The following PRAMEF33 variants were observed in gnomAD, a reference collection of about 807,000 sequenced individuals.
PRAMEF33 encodes the protein PRAME family member 33, also known as PRAME family member 10-like.
A neutral mutation model predicts 28.1 loss-of-function variants in PRAMEF33; 5 were observed. The ratio of observed to expected loss-of-function variants is 0.18; its 90% CI spans 0.09 to 0.37. PRAMEF33 has a LOEUF of 0.37. PRAMEF33 is among the 10% of genes least tolerant of loss of function. PRAMEF33 has a pLI of 1.00. For synonymous variants in PRAMEF33, 28 were observed against 183.2 expected (o/e 0.15, Z 6.84); for missense variants, 62 against 471.1 (o/e 0.13, Z 8.04).
At chr1:13,307,345 T>TGTCA in intron 3 of PRAMEF33, 129 bp downstream of exon 3, 2 of 663,352 alleles carry the variant, frequency 3.0e-6, no homozygotes, top group Non-Finnish European at 4.8e-6. Context: ...GACGCTAGAA[T>TGTCA]GTCAACTCAT....
At position 13,308,884 on chromosome 1, in the gene PRAMEF33, C is replaced by T. The variant is rs1639904067; in HGVS notation, c.1422C>T (p.Ser474=). 6.2e-7 allele frequency: 1 copy of T among 1,604,754 alleles called. No homozygotes were observed. The highest frequency in any genetic ancestry group is 8.5e-7 in the Non-Finnish European group (1 of 1,176,092). The change falls in exon 4 of 4, where the codon TCC becomes TCT. Residue 474 remains serine, a synonymous_variant. Coordinates refer to ENST00000437300, the MANE Select transcript of PRAMEF33 (RefSeq NM_001291381.1). ...AGAAAGTGGACTTCCATCTTTGCTCCTAGGGAAGGCCTGGTTCGTGGGATG... is the reference window on the plus strand; with the variant it reads ...AGAAAGTGGACTTCCATCTTTGCTCTTAGGGAAGGCCTGGTTCGTGGGATG... ...PSEKVDFHLC[S]
At chr1:13,305,083 T>TC (rs1639844592) in intron 1 of PRAMEF33, 2 of 15,344 alleles carry the variant, frequency 1.3e-4, no homozygotes, top group African/African-American at 8.1e-4. Flanking sequence ...CTCTCTCTCT[T>TC]TTTTGAATCT....
rs1452161919 is a variant in PRAMEF33 at position 13,306,765 on chromosome 1, C to T, written c.415C>T (p.Pro139Ser). 15 of 1,417,134 alleles carry T rather than the reference C, an allele frequency of 1.1e-5. No individual in the cohort carries two copies. The highest frequency in any genetic ancestry group is 1.2e-5 in the South Asian group (1 of 81,596). The allele number at this position is 1,417,134 out of a possible 1,614,324, so 87.8% of individuals were successfully genotyped here. Reference protein sequence around the residue: ...MSKRQTVEDCPRMGEHQPLKV... With the variant: ...MSKRQTVEDCSRMGEHQPLKV... ...TAAGAGGCAGACAGTGGAGGACTGT[C>T]CAAGGATGGGAGAGCACCAGCCCTT... Residue 139 changes from proline (P) to serine (S), a missense_variant, in exon 3 of 4, where the codon CCA (proline) becomes TCA (serine). Physicochemically the swap from Pro to Ser is moderately conservative, Grantham distance 74. Coordinates refer to ENST00000437300, the MANE Select transcript of PRAMEF33 (RefSeq NM_001291381.1).
intron 3 of PRAMEF33, 183 bp from the exon 4 acceptor site, chr1:13,308,143 TCTG>T (rs1553168401): frequency 3.8e-4 from 209 of 543,912 alleles, no homozygotes; most frequent in African/African-American, 3.6e-3. Context: ...CAGACCATCA[TCTG>T]ATGATGGGAA....
At chr1:13,305,531 C>G (rs1231234517) in intron 1 of PRAMEF33, 1 of 179,000 alleles carries the variant, frequency 5.6e-6, no homozygotes, top group Non-Finnish European at 1.1e-5. Context: ...GAGGCCAAGG[C>G]GGGTGGAATG....
chr1:13,306,834 G>T lies in PRAMEF33; in HGVS notation c.484G>T (p.Glu162Ter). Residue 162 changes from glutamate to a stop codon, truncating the protein, a stop_gained, in exon 3 of 4, where the codon GAA becomes TAA. Transcript: ENST00000437300. LOFTEE classifies it high-confidence loss of function. ...DLCLKESTLD[E>*]CLSYLFGWIH... is the part of the protein sequence containing the mutation. ...CTGCCTAAAGGAAAGTACACTGGAT[G>T]AATGCCTGAGCTACCTTTTTGGGTG... is the stretch of plus-strand genomic sequence containing the variant. The T allele has an allele frequency of 6.6e-6, 9 of 1,372,482 alleles. 2 individuals are homozygous for T. The highest frequency in any genetic ancestry group is 8.9e-6 in the Non-Finnish European group (9 of 1,007,402). 85.0% of individuals were successfully genotyped at this position (1,372,482 alleles called of 1,614,324 possible).
rs1397981559 is a variant in PRAMEF33, at chr1:13,308,846, T to A, written c.1384T>A (p.Ser462Thr). The A allele has an allele frequency of 6.2e-7, 1 of 1,605,074 alleles. No homozygotes were observed. Among genetic ancestry groups the A allele is most frequent in the Non-Finnish European group, 8.5e-7 (1 of 1,176,300 alleles). ...FGPVPCPTCG[S>T]WPSEKVDFHL... ...TCCCGTCCCTTGCCCTACCTGTGGC[T>A]CATGGCCATCTGAGAAAGTGGACTT... The change falls in exon 4 of 4, where the codon TCA (serine) becomes ACA (threonine). Residue 462 changes from serine (S) to threonine (T), a missense_variant. Transcript: ENST00000437300.
At chr1:13,304,020 C>A (rs1384609385) in intron 1 of PRAMEF33, 1 of 151,098 alleles carries the variant, frequency 6.6e-6, no homozygotes, top group Non-Finnish European at 1.5e-5. Context: ...CTCTGCCTCC[C>A]AGGCTCAAGC....
At chr1:13,304,057 A>G (rs1639833983) in intron 1 of PRAMEF33, 1 of 151,084 alleles carries the variant, frequency 6.6e-6, no homozygotes, top group South Asian at 2.1e-4. Flanking sequence ...CCTCCTGAGT[A>G]TCTGGTATTA....
intron 1 of PRAMEF33, chr1:13,304,337 AG>A (rs1452947236): frequency 1.4e-5 from 2 of 146,138 alleles, no homozygotes; most frequent in African/African-American, 5.4e-5. Flanking sequence ...CAGAAGATTG[AG>A]GCTGCAGTGA....
Position 13,308,824 on chromosome 1 carries a change from C to G in PRAMEF33, c.1362C>G (p.Pro454=), listed in dbSNP as rs782475476. 8 of 1,592,978 alleles carry G rather than the reference C, an allele frequency of 5.0e-6. No individual in the cohort carries two copies. In the Admixed American group the frequency reaches 1.4e-4, roughly 27 times the overall value. Residue 454 remains proline (P), a synonymous_variant, in exon 4 of 4, where the codon CCC becomes CCG. Transcript: ENST00000437300. Reference sequence around the variant, plus strand: ...AGCCCAAGAGGATCTTCTTTGGTCCCGTCCCTTGCCCTACCTGTGGCTCAT... The same window carrying G: ...AGCCCAAGAGGATCTTCTTTGGTCCGGTCCCTTGCCCTACCTGTGGCTCAT... The part of the protein sequence containing the change: ...VRQPKRIFFG[P]VPCPTCGSWP...
In PRAMEF33 at chr1:13,308,432, G is replaced by C. The variant is rs1639895155; in HGVS notation, c.970G>C (p.Glu324Gln). 1.1e-6 allele frequency: 1 copy of C among 951,662 alleles called. No homozygotes were observed. The highest frequency in any genetic ancestry group is 2.1e-5 in the African/African-American group (1 of 48,734). 59.0% of individuals were successfully genotyped at this position (951,662 alleles called of 1,614,324 possible). ...GTACCCAAGCCTCAGTCAGCTAAAGGAGCTGCGTCTGATTCATATCCTAAT... is the reference window on the plus strand; with the variant it reads ...GTACCCAAGCCTCAGTCAGCTAAAGCAGCTGCGTCTGATTCATATCCTAAT... Reference protein sequence around the residue: ...SQYPSLSQLKELRLIHILMWT... With the variant: ...SQYPSLSQLKQLRLIHILMWT... Residue 324 changes from glutamate (E) to glutamine (Q), a missense_variant, in exon 4 of 4, where the codon GAG becomes CAG. Physicochemically the swap from Glu to Gln is conservative, Grantham distance 29 (BLOSUM62 2). Coordinates refer to ENST00000437300, the MANE Select transcript of PRAMEF33 (RefSeq NM_001291381.1).
In PRAMEF33 at chr1:13,306,627, G is replaced by A. The variant is rs1639868013; in HGVS notation, c.288-11G>A. 1.2e-5 allele frequency: 13 copies of A among 1,092,634 alleles called. No individual in the cohort carries two copies. The East Asian group carries it at 3.0e-4, about 25-fold the overall frequency. 67.7% of individuals were successfully genotyped at this position (1,092,634 alleles called of 1,614,324 possible). A position where few individuals can be genotyped will look rare whatever the true frequency, so the allele number is the denominator to read the frequency against. ...CCTACATTCTGAGCTTTTCCCCTAT[G>A]TTACTCATAGGAGGTGGAAACTTCA... is the stretch of plus-strand genomic sequence containing the variant. On this transcript the variant is annotated splice_polypyrimidine_tract_variant and intron_variant, in intron 2 of 3. Coordinates refer to ENST00000437300, the MANE Select transcript of PRAMEF33 (RefSeq NM_001291381.1).
chr1:13,304,259 C>T (rs1418183727), intron 1 of PRAMEF33: 4 of 148,428 alleles, frequency 2.7e-5, no homozygotes, highest in South Asian at 2.2e-4. Context: ...TTTAATTAGC[C>T]GGGCATGGTA....
intron 1 of PRAMEF33, chr1:13,305,687 G>A: frequency 2.0e-6 from 1 of 505,154 alleles, no homozygotes; most frequent in South Asian, 2.6e-5. Context: ...TGAGTTTATT[G>A]CAACAGTGGC....
intron 3 of PRAMEF33, 75 bp from the exon 4 acceptor site, chr1:13,308,243 CACTTCAAGTTT>C (rs1639891486): frequency 1.6e-6 from 1 of 614,082 alleles, no homozygotes; most frequent in African/African-American, 1.8e-5. Flanking sequence ...ACTCAATGCC[CACTTCAAGTTT>C]ACCATTGAGA....
At position 13,305,399 on chromosome 1, in the gene PRAMEF33, T is replaced by C. The variant is rs1408064527; in HGVS notation, c.-25-531T>C. The C allele has an allele frequency of 2.5e-3, 358 of 141,196 alleles. 92 individuals are homozygous for C. The highest frequency in any genetic ancestry group is 0.011 in the African/African-American group (340 of 30,628). 8.7% of individuals were successfully genotyped at this position (141,196 alleles called of 1,614,324 possible). On this transcript the variant is annotated intron_variant, in intron 1 of 3. Transcript: ENST00000437300. ...TTTGAACATGCGTAAGAGGTGTGTATTGGAAACATCTGTGTCTTGCGAATG... is the reference window on the plus strand; with the variant it reads ...TTTGAACATGCGTAAGAGGTGTGTACTGGAAACATCTGTGTCTTGCGAATG...
intron 1 of PRAMEF33, 30 bp from the exon 2 acceptor site, chr1:13,305,900 A>G (rs1639854023): frequency 6.3e-7 from 1 of 1,591,952 alleles, no homozygotes; most frequent in Non-Finnish European, 8.6e-7. Flanking sequence ...TGGCCCGAGA[A>G]ACTTGCCTTT....
intron 3 of PRAMEF33, chr1:13,307,670 G>A (rs1394616878): frequency 2.2e-5 from 1 of 45,130 alleles, no homozygotes; most frequent in Non-Finnish European, 4.4e-5. Context: ...AGGAATTTGA[G>A]ACCAGTCTGG....
Sources: allele counts gnomAD v4.1 joint callset, GRCh38; gene constraint gnomAD v4.1.1; transcripts MANE v1.5; gene names NCBI Gene and HGNC (gene_info 2026-07-23, HGNC 2026-07-21).